Variants in PLEKHA7 observed in about 807,000 individuals in gnomAD.
PLEKHA7 encodes the protein pleckstrin homology domain containing A7.
PLEKHA7 carries 104 observed loss-of-function variants against 170.0 expected under a neutral mutation model. That is an observed-to-expected ratio of 0.61 (90% CI 0.52 to 0.72). The LOEUF (loss-of-function observed/expected upper bound fraction) is 0.72, where lower values mean the gene tolerates loss of function less well. Among genes scored for constraint, PLEKHA7 ranks in the 30% least tolerant of loss-of-function variants. The pLI, the probability that PLEKHA7 is intolerant of heterozygous loss-of-function variation, is 0.00. For missense variants in PLEKHA7, 1,615 were observed against 1,671.7 expected, an observed-to-expected ratio of 0.97 and a Z score of 0.59; for synonymous variants, 648 against 660.8, an observed-to-expected ratio of 0.98 and a Z score of 0.30.
intron 3 of PLEKHA7, among the ~76,000 whole-genome samples, chr11:16,877,384 C>T (rs1855380633): frequency 6.6e-6 from 1 of 152,220 alleles, no homozygotes; most frequent in African/African-American, 2.4e-5. Context: ...TCACCTTCAG[C>T]TCCAATTTGG....
intron 10 of PLEKHA7, among the ~76,000 whole-genome samples, chr11:16,821,961 C>A (rs1365683412): frequency 4.0e-5 from 6 of 150,474 alleles, no homozygotes; most frequent in Non-Finnish European, 9.0e-5. Flanking sequence ...CTCTACAGAC[C>A]TGATGTCTCC....
At chr11:16,858,937 TCAGTGAGGGG>T (rs532378646) in intron 4 of PLEKHA7, among the ~76,000 whole-genome samples, 1 of 152,150 alleles carries the variant, frequency 6.6e-6, no homozygotes, top group Non-Finnish European at 1.5e-5. Flanking sequence ...TGGCTGGACA[TCAGTGAGGGG>T]CAGTGAGGGG....
intron 8 of PLEKHA7, among the ~76,000 whole-genome samples, chr11:16,849,900 A>T (rs1852780688): frequency 6.6e-6 from 1 of 152,156 alleles, no homozygotes; most frequent in Non-Finnish European, 1.5e-5. Context: ...CACAGGAACA[A>T]CTCAAACCTG....
chr11:16,881,081 T>A (rs539201949), intron 3 of PLEKHA7, among the ~76,000 whole-genome samples: 1 of 152,272 alleles, frequency 6.6e-6, no homozygotes, highest in East Asian at 1.9e-4. Context: ...GATACTTATG[T>A]CTTATTTATG....
chr11:16,871,226 AAGG>A (rs1854817493), intron 3 of PLEKHA7, 44 bp from the exon 4 acceptor site: 2 of 1,474,598 alleles, frequency 1.4e-6, no homozygotes, highest in South Asian at 1.1e-5. Flanking sequence ...GTGTGAATGG[AAGG>A]AGTACAGACA....
chr11:16,789,526 G>C lies in PLEKHA7; in HGVS notation c.3157-230C>G. The stretch of plus-strand genomic sequence containing the variant: ...TGCAGATGCAGACACTTAGGCTCAG[G>C]CCTGTCCAGTGAGGCCAGAACCCAG... On this transcript the variant is annotated intron_variant, in intron 22 of 26. Coordinates refer to ENST00000531066, the MANE Select transcript of PLEKHA7 (RefSeq NM_001329630.2). The surrounding 1 kb of genome is among the most constrained non-coding windows in gnomAD (Gnocchi z 4.6). 1.6e-6 allele frequency: 1 copy of C among 618,390 alleles called. No homozygotes were observed. The highest frequency in any genetic ancestry group is 2.0e-5 in the South Asian group (1 of 50,580). 38.3% of individuals were successfully genotyped at this position (618,390 alleles called of 1,614,324 possible).
intron 3 of PLEKHA7, among the ~76,000 whole-genome samples, chr11:16,985,131 T>A (rs748808791): frequency 6.6e-5 from 10 of 152,268 alleles, no homozygotes; most frequent in Non-Finnish European, 1.5e-4. Context: ...TCAGAAGCCC[T>A]TGAGGCAGAT....
intron 3 of PLEKHA7, among the ~76,000 whole-genome samples, chr11:16,945,795 T>G (rs1218106400): frequency 6.6e-6 from 1 of 152,206 alleles, no homozygotes; most frequent in Non-Finnish European, 1.5e-5. Flanking sequence ...CCATATTAAA[T>G]GGCAGTTTCA....
At chr11:16,842,838 TC>T (rs1343091704) in intron 8 of PLEKHA7, among the ~76,000 whole-genome samples, 1 of 152,212 alleles carries the variant, frequency 6.6e-6, no homozygotes, top group Non-Finnish European at 1.5e-5. Flanking sequence ...AACTTTAATC[TC>T]ATTGTAATCC....
intron 3 of PLEKHA7, among the ~76,000 whole-genome samples, chr11:16,944,402 C>T (rs1159337022): frequency 6.6e-6 from 1 of 151,796 alleles, no homozygotes; most frequent in Non-Finnish European, 1.5e-5. Context: ...ATCCCAGCTA[C>T]TCAGGAGGCT....
chr11:16,917,001 T>C (rs1274425335), intron 3 of PLEKHA7, among the ~76,000 whole-genome samples: 1 of 152,096 alleles, frequency 6.6e-6, no homozygotes, highest in Admixed American at 6.5e-5. Flanking sequence ...GGTGGATCAA[T>C]TGAGGTCAGG....
At chr11:16,810,384 C>T (rs1330855169) in intron 13 of PLEKHA7, among the ~76,000 whole-genome samples, 1 of 152,228 alleles carries the variant, frequency 6.6e-6, no homozygotes, top group East Asian at 1.9e-4. Flanking sequence ...GCCTGCCCCT[C>T]TGAGGGAAGC....
At chr11:16,855,592 A>G in intron 5 of PLEKHA7, 1 of 570,770 alleles carries the variant, frequency 1.8e-6, no homozygotes, top group Middle Eastern at 4.5e-4. Flanking sequence ...ACCTATAGAC[A>G]CCAGTGCTGG....
intron 3 of PLEKHA7, among the ~76,000 whole-genome samples, chr11:16,978,972 CAG>C (rs1863238289): frequency 6.6e-6 from 1 of 152,162 alleles, no homozygotes; most frequent in Non-Finnish European, 1.5e-5. Flanking sequence ...TCCTCTAAAA[CAG>C]GCCTCCCTCC....
At chr11:16,957,695 TTC>T (rs1288803090) in intron 3 of PLEKHA7, among the ~76,000 whole-genome samples, 2,301 of 125,224 alleles carry the variant, frequency 0.018, 139 homozygotes, top group African/African-American at 0.057. Flanking sequence ...AATAATTTTT[TTC>T]TTTTTTTTTT....
At chr11:16,853,363 T>G (rs932435142) in intron 6 of PLEKHA7, among the ~76,000 whole-genome samples, 2 of 152,252 alleles carry the variant, frequency 1.3e-5, no homozygotes, top group Non-Finnish European at 2.9e-5. Flanking sequence ...TGATTTCAAC[T>G]ATTTATCTGT....
chr11:17,009,835 C>G (rs1590846161), intron 3 of PLEKHA7, among the ~76,000 whole-genome samples: 1 of 152,018 alleles, frequency 6.6e-6, no homozygotes, highest in East Asian at 1.9e-4. Context: ...CTCCGTGTTG[C>G]CCAGGCTGAT....
At chr11:16,980,188 G>C (rs747175234) in intron 3 of PLEKHA7, among the ~76,000 whole-genome samples, 2 of 152,220 alleles carry the variant, frequency 1.3e-5, no homozygotes, top group African/African-American at 4.8e-5. Context: ...AACAGAAAAC[G>C]GGAAGAATCA....
chr11:16,925,847 G>C (rs536921366), intron 3 of PLEKHA7, among the ~76,000 whole-genome samples: 1 of 152,372 alleles, frequency 6.6e-6, no homozygotes, highest in South Asian at 2.1e-4. Context: ...AGGACGGCGC[G>C]TCCGAGCCCA....
Sources: gnomAD v4.1 joint callset for allele counts (sites outside exome capture counted in the v4.1 genomes callset) on GRCh38, gnomAD v4.1.1 for gene constraint, Gnocchi (gnomAD v3.1) non-coding constraint, MANE v1.5 for transcripts, NCBI Gene and HGNC (gene_info 2026-07-23, HGNC 2026-07-21) for gene names.